Variants in FRYL observed in about 807,000 individuals in gnomAD.
The protein encoded by FRYL is protein furry homolog-like.
Under a neutral mutation model 351.2 loss-of-function variants are expected in FRYL, and 150 were observed. The ratio of observed to expected loss-of-function variants is 0.43; its 90% confidence interval spans 0.37 to 0.49. FRYL has a LOEUF of 0.49. Among genes scored for constraint, FRYL ranks in the 20% least tolerant of loss-of-function variants. The probability of loss-of-function intolerance (pLI) is 0.00; values close to 1 mark genes in which losing one functional copy is unlikely to be tolerated. For synonymous variants in FRYL, 1,153 were observed against 1,257.1 expected, an observed-to-expected ratio of 0.92 and a Z score of 1.75; for missense variants, 3,036 against 3,619.3, an observed-to-expected ratio of 0.84 and a Z score of 4.13.
intron 56 of FRYL, 107 bp from the exon 57 acceptor site, chr4:48,512,795 A>G: frequency 1.4e-6 from 1 of 723,932 alleles, no homozygotes; most frequent in South Asian, 1.9e-5. Flanking sequence ...TTTATTCATC[A>G]TACACACTGA....
Position 48,521,075 on chromosome 4 carries a change from T to C in FRYL, c.7662A>G (p.Leu2554=), listed in dbSNP as rs1487713159. 3 of 1,613,218 alleles carry C rather than the reference T, an allele frequency of 1.9e-6. No homozygotes were observed. Among genetic ancestry groups the C allele is most frequent in the Non-Finnish European group, 1.7e-6 (2 of 1,179,574 alleles). ...RDETPTLEAS[L]DNANSRLPED... ...CAGGCAGCCGGCTGTTAGCATTATC[T>C]AGAGAAGCCTCCAAAGTTGGGGTCT... The change falls in exon 55 of 64, where the codon CTA becomes CTG. Residue 2554 remains leucine (L), a synonymous_variant. Transcript: ENST00000358350.
chr4:48,604,565 CA>C, intron 11 of FRYL, among the ~76,000 whole-genome samples: 1 of 152,192 alleles, frequency 6.6e-6, no homozygotes, highest in Non-Finnish European at 1.5e-5. Context: ...CATGCTTCTA[CA>C]AGCCAAGAAA....
intron 9 of FRYL, among the ~76,000 whole-genome samples, chr4:48,608,737 T>C (rs1578328661): frequency 1.3e-5 from 2 of 152,286 alleles, no homozygotes; most frequent in South Asian, 2.1e-4. Context: ...CTAAATATGG[T>C]TGGCAATTTC....
chr4:48,755,541 G>C (rs577152568), intron 1 of FRYL, among the ~76,000 whole-genome samples: 6 of 152,264 alleles, frequency 3.9e-5, no homozygotes, highest in African/African-American at 1.2e-4. Flanking sequence ...TTGTCAGAGA[G>C]AAACGTTGCA....
intron 16 of FRYL, among the ~76,000 whole-genome samples, chr4:48,592,081 CTTATAT>C (rs1185205020): frequency 2.0e-4 from 5 of 24,808 alleles, no homozygotes; most frequent in African/African-American, 6.5e-4. Context: ...AAATAAAGCT[CTTATAT>C]ATATATATAT....
chr4:48,744,198 A>T (rs1263776697), intron 1 of FRYL, among the ~76,000 whole-genome samples: 2 of 152,204 alleles, frequency 1.3e-5, no homozygotes, highest in African/African-American at 2.4e-5. Flanking sequence ...TGGGGGTGAT[A>T]TAAATGGTCT....
intron 19 of FRYL, 57 bp downstream of exon 19, chr4:48,586,564 G>T: frequency 8.9e-7 from 1 of 1,120,236 alleles, no homozygotes; most frequent in Non-Finnish European, 1.4e-6. Context: ...AGGTATATTA[G>T]AAATATAAAG....
chr4:48,605,786 AT>A lies in FRYL; in HGVS notation c.788del (p.His263LeufsTer14). ...FLEVKDKDIK[H>X]ALAGLFVEIL... ...TCTCCACAAATAAACCAGCAAGTGC[AT>A]GTTTTATATCTTTATCTTTCACTTC... is the stretch of plus-strand genomic sequence containing the variant. On this transcript the variant is annotated frameshift_variant, in exon 11 of 64. Coordinates refer to ENST00000358350, the MANE Select transcript of FRYL (RefSeq NM_015030.2). LOFTEE classifies it high-confidence loss of function. 6.2e-7 allele frequency: 1 copy of A among 1,609,346 alleles called. No homozygotes were observed. Among genetic ancestry groups the A allele is most frequent in the Non-Finnish European group, 8.5e-7 (1 of 1,176,200 alleles).
At chr4:48,543,064 T>G (rs1730582815) in intron 44 of FRYL, among the ~76,000 whole-genome samples, 1 of 152,102 alleles carries the variant, frequency 6.6e-6, no homozygotes, top group South Asian at 2.1e-4. Flanking sequence ...CGACACCAAT[T>G]TTCTTGATGT....
intron 2 of FRYL, among the ~76,000 whole-genome samples, chr4:48,697,152 T>C (rs1412323530): frequency 6.6e-6 from 1 of 152,118 alleles, no homozygotes; most frequent in Non-Finnish European, 1.5e-5. Context: ...GGTCAATTCC[T>C]ATATTTTTAT....
At chr4:48,656,835 G>A (rs1759321673) in intron 3 of FRYL, among the ~76,000 whole-genome samples, 1 of 151,632 alleles carries the variant, frequency 6.6e-6, no homozygotes. Context: ...TTTTACATCA[G>A]GGCTTTATCA....
chr4:48,711,779 C>A (rs1560299847), intron 1 of FRYL, among the ~76,000 whole-genome samples: 1 of 152,222 alleles, frequency 6.6e-6, no homozygotes, highest in Non-Finnish European at 1.5e-5. Context: ...GGGTCCCTGA[C>A]CCCTGACCCC....
At chr4:48,542,158 C>A in intron 44 of FRYL, 37 bp from the exon 45 acceptor site, 1 of 1,444,802 alleles carries the variant, frequency 6.9e-7, no homozygotes, top group South Asian at 1.1e-5. Flanking sequence ...TAATTATGCT[C>A]TGGAATAAAG....
intron 1 of FRYL, among the ~76,000 whole-genome samples, chr4:48,767,234 C>T (rs1247411823): frequency 1.3e-5 from 2 of 152,000 alleles, no homozygotes; most frequent in African/African-American, 4.8e-5. Flanking sequence ...ACCGCCTTCA[C>T]ATGGCCAGTA....
Position 48,534,591 on chromosome 4 carries a change from T to A in FRYL, c.6659A>T (p.Lys2220Met), listed in dbSNP as rs1728467218. Residue 2220 changes from lysine (K) to methionine (M), a missense_variant, in exon 49 of 64, where the codon AAG becomes ATG. This residue lies in a region of FRYL where 1,987 missense variants were observed against 2,311.7 expected (regional missense o/e 0.86). Transcript: ENST00000358350. Reference sequence around the variant, plus strand: ...CTTTATGATCTCCAGATTAAACTGCTTGGCTGGGGCTGCAGACAGGTCAAT... The same window carrying A: ...CTTTATGATCTCCAGATTAAACTGCATGGCTGGGGCTGCAGACAGGTCAAT... ...SHIDLSAAPA[K>M]QFNLEIIKII... is the part of the protein sequence containing the mutation. The A allele has an allele frequency of 1.2e-6, 2 of 1,612,972 alleles. No individual in the cohort carries two copies. Among genetic ancestry groups the A allele is most frequent in the Non-Finnish European group, 1.7e-6 (2 of 1,179,204 alleles).
intron 19 of FRYL, among the ~76,000 whole-genome samples, chr4:48,584,575 G>C (rs1741682696): frequency 6.6e-6 from 1 of 152,178 alleles, no homozygotes; most frequent in Non-Finnish European, 1.5e-5. Context: ...AGAAGAGAGT[G>C]ACAGTCCTCA....
At chr4:48,592,790 T>G (rs1220777228) in intron 16 of FRYL, among the ~76,000 whole-genome samples, 4 of 152,136 alleles carry the variant, frequency 2.6e-5, no homozygotes, top group Non-Finnish European at 5.9e-5. Context: ...TTCCAAAATC[T>G]GGAAATAATT....
intron 3 of FRYL, among the ~76,000 whole-genome samples, chr4:48,649,696 C>T (rs966565485): frequency 6.6e-6 from 1 of 152,088 alleles, no homozygotes; most frequent in African/African-American, 2.4e-5. Flanking sequence ...AGACAAAATC[C>T]TGAATTTAGG....
At chr4:48,554,805 G>A (rs1289945414) in intron 35 of FRYL, among the ~76,000 whole-genome samples, 7 of 152,032 alleles carry the variant, frequency 4.6e-5, no homozygotes, top group African/African-American at 1.2e-4. Context: ...GTGGATCTCC[G>A]AGTTGACACT....
Sources: gnomAD v4.1 joint callset for allele counts (sites outside exome capture counted in the v4.1 genomes callset) on GRCh38, gnomAD v4.1.1 for gene constraint, gnomAD v4.1.1 regional missense constraint, MANE v1.5 for transcripts, NCBI Gene and HGNC (gene_info 2026-07-23, HGNC 2026-07-21) for gene names.